The following MSRA variants were observed in gnomAD, a reference collection of about 807,000 sequenced individuals.
MSRA encodes methionine sulfoxide reductase A.
In MSRA, 54 loss-of-function variants were observed where a neutral mutation model predicts 31.3. The observed-to-expected ratio is 1.73, with a 90% CI of 1.39 to 2.17. The LOEUF (loss-of-function observed/expected upper bound fraction) is 2.17. Among genes scored for constraint, MSRA ranks in the 30% most tolerant of loss-of-function variants. The pLI is 0.00. For missense variants in MSRA, 507 were observed against 300.9 expected (o/e 1.69, Z -5.07); for synonymous variants, 169 against 116.5 (o/e 1.45, Z -2.90).
At chr8:10,402,692 G>A (rs1807542080) in intron 5 of MSRA, among the ~76,000 whole-genome samples, 1 of 152,206 alleles carries the variant, frequency 6.6e-6, no homozygotes, top group Admixed American at 6.5e-5. Context: ...GTAGCATTGG[G>A]AAATGCCCTT....
At chr8:10,149,012 A>G (rs912999159) in intron 1 of MSRA, among the ~76,000 whole-genome samples, 14 of 150,326 alleles carry the variant, frequency 9.3e-5, no homozygotes, top group Non-Finnish European at 1.9e-4. Flanking sequence ...GCTGGGTGCA[A>G]TGGTTCAGTC....
intron 1 of MSRA, among the ~76,000 whole-genome samples, chr8:10,146,790 G>A (rs1346953771): frequency 6.6e-6 from 1 of 152,192 alleles, no homozygotes; most frequent in East Asian, 1.9e-4. Context: ...AGGAGCCCTG[G>A]GCTGGAGCAG....
At chr8:10,396,525 A>G (rs1807108037) in intron 5 of MSRA, among the ~76,000 whole-genome samples, 1 of 152,194 alleles carries the variant, frequency 6.6e-6, no homozygotes, top group Non-Finnish European at 1.5e-5. Flanking sequence ...ATCCTGTGAA[A>G]GTGTGTCCTG....
intron 5 of MSRA, among the ~76,000 whole-genome samples, chr8:10,419,692 G>A (rs1808695745): frequency 6.6e-6 from 1 of 152,206 alleles, no homozygotes; most frequent in African/African-American, 2.4e-5. Flanking sequence ...CCTAGAATCA[G>A]GAGGTTACTT....
In MSRA at chr8:10,084,869, G is replaced by C. The variant is rs1002211994; in HGVS notation, c.142+30211G>C. On this transcript the variant is annotated intron_variant, in intron 1 of 5. Coordinates refer to ENST00000317173, the MANE Select transcript of MSRA (RefSeq NM_012331.5). The stretch of plus-strand genomic sequence containing the variant: ...CTTTTTTAATAGAAATAAGTCTCGA[G>C]TTTAGAGGTAGTTATAGGCTTTGCG... Among the ~76,000 whole-genome samples the C allele has an allele frequency of 2.0e-5, 3 of 148,844 alleles. No homozygotes were observed. In the South Asian group the frequency reaches 6.6e-4, roughly 33 times the overall value.
intron 1 of MSRA, among the ~76,000 whole-genome samples, chr8:10,177,391 G>C (rs1806147150): frequency 6.6e-6 from 1 of 152,202 alleles, no homozygotes. Context: ...GATGCTTATG[G>C]TATGGCATCC....
intron 4 of MSRA, among the ~76,000 whole-genome samples, chr8:10,313,667 T>C (rs1801560481): frequency 6.6e-6 from 1 of 152,186 alleles, no homozygotes; most frequent in African/African-American, 2.4e-5. Context: ...GTTGTTGTTT[T>C]TGTGGATCTT....
chr8:10,120,569 A>G (rs979997002), intron 1 of MSRA, among the ~76,000 whole-genome samples: 2 of 152,214 alleles, frequency 1.3e-5, no homozygotes, highest in Non-Finnish European at 2.9e-5. Context: ...GTTCAGTTCA[A>G]TTACATTCGG....
chr8:10,373,196 G>C (rs1043804744), intron 5 of MSRA, among the ~76,000 whole-genome samples: 3 of 152,342 alleles, frequency 2.0e-5, no homozygotes, highest in South Asian at 4.1e-4. Context: ...CAGCCGCTAA[G>C]TGATTATTTA....
At chr8:10,137,381 C>G (rs968480625) in intron 1 of MSRA, among the ~76,000 whole-genome samples, 1 of 152,136 alleles carries the variant, frequency 6.6e-6, no homozygotes, top group Non-Finnish European at 1.5e-5. Flanking sequence ...TTTCCACTTT[C>G]ACAAGTTGTT....
intron 1 of MSRA, among the ~76,000 whole-genome samples, chr8:10,085,192 G>C (rs979351823): frequency 2.6e-5 from 4 of 152,154 alleles, no homozygotes; most frequent in African/African-American, 4.8e-5. Context: ...GTTTTAGCCA[G>C]ACAGCCCACT....
At chr8:10,126,938 G>T (rs933652373) in intron 1 of MSRA, among the ~76,000 whole-genome samples, 4 of 152,220 alleles carry the variant, frequency 2.6e-5, no homozygotes, top group African/African-American at 9.6e-5. Flanking sequence ...TCAGGCAGTA[G>T]TGCTCGCTCA....
intron 1 of MSRA, among the ~76,000 whole-genome samples, chr8:10,194,411 C>G (rs1563204002): frequency 6.6e-6 from 1 of 152,088 alleles, no homozygotes; most frequent in African/African-American, 2.4e-5. Flanking sequence ...ACTAAAAGTA[C>G]AAAAACTAGC....
intron 3 of MSRA, among the ~76,000 whole-genome samples, chr8:10,288,993 CCTTTTTT>C (rs1800086395): frequency 6.7e-6 from 1 of 148,836 alleles, no homozygotes; most frequent in Non-Finnish European, 1.5e-5. Flanking sequence ...TTTTTTTTTT[CCTTTTTT>C]CTTTTTGAAT....
intron 1 of MSRA, among the ~76,000 whole-genome samples, chr8:10,144,267 C>T (rs1341610318): frequency 1.3e-5 from 2 of 152,142 alleles, no homozygotes; most frequent in Non-Finnish European, 2.9e-5. Flanking sequence ...AACTGTTAAG[C>T]CATGCTTGTT....
chr8:10,297,766 C>T (rs937726773), intron 3 of MSRA, among the ~76,000 whole-genome samples: 4 of 152,210 alleles, frequency 2.6e-5, no homozygotes, highest in African/African-American at 7.2e-5. Flanking sequence ...AACCAAGCTT[C>T]TTTAAACCTC....
At chr8:10,290,522 A>C (rs1800175824) in intron 3 of MSRA, among the ~76,000 whole-genome samples, 1 of 152,052 alleles carries the variant, frequency 6.6e-6, no homozygotes, top group Admixed American at 6.5e-5. Context: ...TTCCTTTCCC[A>C]GCTTTGCATC....
chr8:10,305,268 C>T (rs1439853468), intron 4 of MSRA, among the ~76,000 whole-genome samples: 2 of 152,052 alleles, frequency 1.3e-5, no homozygotes, highest in African/African-American at 4.8e-5. Flanking sequence ...CTTAGAGTCC[C>T]CTTTCAGTTA....
In MSRA at chr8:10,079,430, C is replaced by G. The variant is rs137953867; in HGVS notation, c.142+24772C>G. ...TAGGCCTCCCAAAGTGCTGGACTTACAGGTGTGAGCCACCACACCCGACCA... is the reference window on the plus strand; with the variant it reads ...TAGGCCTCCCAAAGTGCTGGACTTAGAGGTGTGAGCCACCACACCCGACCA... On this transcript the variant is annotated intron_variant, in intron 1 of 5. Transcript: ENST00000317173. 1.7e-3 allele frequency among the ~76,000 whole-genome samples: 259 copies of G among 152,266 alleles called. 1 individual carries two copies. Among genetic ancestry groups the G allele is most frequent in the African/African-American group, 5.8e-3 (239 of 41,548 alleles).
Sources: gnomAD v4.1 joint callset for allele counts (sites outside exome capture counted in the v4.1 genomes callset) on GRCh38, gnomAD v4.1.1 for gene constraint, MANE v1.5 for transcripts, NCBI Gene and HGNC (gene_info 2026-07-23, HGNC 2026-07-21) for gene names.